DTHD1: variants seen among roughly 807,000 people sequenced by gnomAD.
The protein encoded by DTHD1 is death domain containing 1.
In DTHD1, 59 loss-of-function variants were observed where a neutral mutation model predicts 74.8. The observed-to-expected ratio is 0.79, with a 90% CI of 0.64 to 0.98. The LOEUF is 0.98. DTHD1 is among the 50% of genes least tolerant of loss of function. The probability of loss-of-function intolerance (pLI) is 0.00; values close to 1 mark genes in which losing one functional copy is unlikely to be tolerated. For synonymous variants in DTHD1, 365 were observed against 371.1 expected (o/e 0.98, Z 0.19); for missense variants, 1,051 against 1,065.4 (o/e 0.99, Z 0.19).
chr4:36,346,365 C>T lies in DTHD1; in HGVS notation c.*2541C>T, dbSNP rs1006841184. Among the ~76,000 whole-genome samples, 23 of 152,220 alleles carry T rather than the reference C, an allele frequency of 1.5e-4. No individual in the cohort carries two copies. Among genetic ancestry groups the T allele is most frequent in the African/African-American group, 5.5e-4 (23 of 41,540 alleles). On this transcript the variant is annotated 3_prime_UTR_variant, in exon 10 of 10. Transcript: ENST00000639862. Reference sequence around the variant, plus strand: ...TTTCTCTCTCTCACACATACACTCACATACATTCACTCACAGCCACATATA... The same window carrying T: ...TTTCTCTCTCTCACACATACACTCATATACATTCACTCACAGCCACATATA...
chr4:36,316,245 AC>A lies in DTHD1; in HGVS notation c.2100del (p.Asn700LysfsTer53), dbSNP rs1560805968. The A allele has an allele frequency of 5.2e-6, 8 of 1,549,284 alleles. No homozygotes were observed. Among genetic ancestry groups the A allele is most frequent in the Non-Finnish European group, 7.0e-6 (8 of 1,146,444 alleles). The stretch of plus-strand genomic sequence containing the variant: ...AATACATTTTACTTCTATTTAGGCA[AC>A]GGGAAGGATTATGGAAAAGACTACA... ...RFTGNIFASS[N>X]GKDYGKDYTL... On this transcript the variant is annotated frameshift_variant, in exon 8 of 10. Coordinates refer to ENST00000639862, the MANE Select transcript of DTHD1 (RefSeq NM_001170700.3). LOFTEE classifies it high-confidence loss of function.
rs922253182 is a variant in DTHD1 at position 36,284,466 on chromosome 4, A to G, written c.762A>G (p.Ser254=). Residue 254 remains serine, a synonymous_variant, in exon 2 of 10, where the codon TCA becomes TCG. Coordinates refer to ENST00000639862, the MANE Select transcript of DTHD1 (RefSeq NM_001170700.3). ...CAGAGACAGAAATTCAAGAGACTTCAGAAAGCCCAAGAGAAGAGATGACCA... is the reference window on the plus strand; with the variant it reads ...CAGAGACAGAAATTCAAGAGACTTCGGAAAGCCCAAGAGAAGAGATGACCA... ...QTTETEIQET[S]ESPREEMTTS... 1 of 1,537,046 alleles carries G rather than the reference A, an allele frequency of 6.5e-7. No homozygotes were observed. The highest frequency in any genetic ancestry group is 8.7e-7 in the Non-Finnish European group (1 of 1,146,826).
At chr4:36,286,130 A>G (rs905528342) in intron 2 of DTHD1, among the ~76,000 whole-genome samples, 1 of 152,230 alleles carries the variant, frequency 6.6e-6, no homozygotes, top group Admixed American at 6.5e-5. Flanking sequence ...TCTATGGTTG[A>G]GGATATTCAG....
chr4:36,343,701 T>G lies in DTHD1; in HGVS notation c.2598T>G (p.Leu866=). ...KKSLPTFTDK[L]RLLARHLRKI... is the part of the protein sequence containing the mutation. ...CGCTTCCAACTTTCACCGACAAACTTCGCCTCCTGGCTCGACATCTCCGCA... is the reference window on the plus strand; with the variant it reads ...CGCTTCCAACTTTCACCGACAAACTGCGCCTCCTGGCTCGACATCTCCGCA... The change falls in exon 10 of 10, where the codon CTT becomes CTG. Residue 866 remains leucine (L), a synonymous_variant. Coordinates refer to ENST00000639862, the MANE Select transcript of DTHD1 (RefSeq NM_001170700.3). 6.4e-7 allele frequency: 1 copy of G among 1,551,670 alleles called. No homozygotes were observed.
chr4:36,314,602 A>T (rs1757596750), intron 7 of DTHD1, among the ~76,000 whole-genome samples: 2 of 151,136 alleles, frequency 1.3e-5, no homozygotes, highest in South Asian at 4.2e-4. Flanking sequence ...GGACAGCTTG[A>T]GCTTGGGAGG....
chr4:36,327,496 C>T (rs1643048431), intron 8 of DTHD1, among the ~76,000 whole-genome samples: 5 of 152,270 alleles, frequency 3.3e-5, no homozygotes, highest in South Asian at 2.1e-4. Flanking sequence ...GCGTCTTCCA[C>T]GTAGCTGCAT....
Position 36,294,959 on chromosome 4 carries a change from AAAC to A in DTHD1, c.1567_1569del (p.Asn523del). 1 of 1,551,610 alleles carries A rather than the reference AAAC, an allele frequency of 6.4e-7. No homozygotes were observed. Among genetic ancestry groups the A allele is most frequent in the Non-Finnish European group, 8.7e-7 (1 of 1,146,628 alleles). On this transcript the variant is annotated inframe_deletion, in exon 5 of 10. Coordinates refer to ENST00000639862, the MANE Select transcript of DTHD1 (RefSeq NM_001170700.3). The stretch of plus-strand genomic sequence containing the variant: ...TACCTTGTTCTCCATACCTTGATAA[AAAC>A]AACCTTGGTTCTGAGATAGATCATA...
chr4:36,329,143 G>A (rs1307293696), intron 8 of DTHD1, among the ~76,000 whole-genome samples: 1 of 152,290 alleles, frequency 6.6e-6, no homozygotes, highest in South Asian at 2.1e-4. Flanking sequence ...TTACCACTAT[G>A]TCATACCGCC....
chr4:36,342,385 T>C (rs767931132), intron 9 of DTHD1, among the ~76,000 whole-genome samples: 8 of 152,096 alleles, frequency 5.3e-5, no homozygotes, highest in Non-Finnish European at 1.2e-4. Flanking sequence ...GAATGCTTGC[T>C]TAACACCAGA....
intron 7 of DTHD1, 53 bp downstream of exon 7, chr4:36,308,546 C>T (rs1281791297): frequency 1.4e-6 from 2 of 1,415,886 alleles, no homozygotes; most frequent in Admixed American, 4.9e-5. Flanking sequence ...GCCACAAGCT[C>T]TTCAGAAGAG....
In DTHD1 at chr4:36,344,383, G is replaced by A. The variant is rs1208852214; in HGVS notation, c.*559G>A. On this transcript the variant is annotated 3_prime_UTR_variant, in exon 10 of 10. Coordinates refer to ENST00000639862, the MANE Select transcript of DTHD1 (RefSeq NM_001170700.3). ...ATAATATATCAATCAATACATGTAA[G>A]GTGTACATTGGCTCAATCTGGAAAG... 2.6e-5 allele frequency: 4 copies of A among 152,724 alleles called. No homozygotes were observed. Among genetic ancestry groups the A allele is most frequent in the Non-Finnish European group, 4.4e-5 (3 of 68,464 alleles). 9.5% of individuals were successfully genotyped at this position (152,724 alleles called of 1,614,324 possible).
rs754727243 is a variant in DTHD1 at position 36,343,785 on chromosome 4, C to T, written c.2682C>T (p.Phe894=). The part of the protein sequence containing the change: ...ELKFKWENKV[F]TEPQQCFDVA... Reference sequence around the variant, plus strand: ...AATTCAAGTGGGAAAATAAAGTGTTCACTGAACCACAGCAGTGTTTTGATG... The same window carrying T: ...AATTCAAGTGGGAAAATAAAGTGTTTACTGAACCACAGCAGTGTTTTGATG... Residue 894 remains phenylalanine (F), a synonymous_variant, in exon 10 of 10, where the codon TTC becomes TTT. Coordinates refer to ENST00000639862, the MANE Select transcript of DTHD1 (RefSeq NM_001170700.3). The T allele has an allele frequency of 3.2e-6, 5 of 1,550,956 alleles. No homozygotes were observed. Among genetic ancestry groups the T allele is most frequent in the Admixed American group, 3.9e-5 (2 of 50,966 alleles).
intron 5 of DTHD1, among the ~76,000 whole-genome samples, chr4:36,297,910 A>T (rs1027013894): frequency 6.8e-5 from 10 of 147,790 alleles, no homozygotes; most frequent in African/African-American, 2.5e-4. Flanking sequence ...TTGAGTTCAT[A>T]TAATTGTGTG....
intron 8 of DTHD1, among the ~76,000 whole-genome samples, chr4:36,335,357 G>T (rs956079280): frequency 1.3e-5 from 2 of 152,040 alleles, no homozygotes; most frequent in African/African-American, 4.8e-5. Flanking sequence ...CCAAGTAGCT[G>T]AGACCACAGG....
At chr4:36,295,788 A>G (rs1057494071) in intron 5 of DTHD1, among the ~76,000 whole-genome samples, 1 of 152,110 alleles carries the variant, frequency 6.6e-6, no homozygotes, top group Non-Finnish European at 1.5e-5. Flanking sequence ...GAAAGGACAA[A>G]AGGATGTGGC....
In DTHD1 at chr4:36,308,386, A is replaced by T. The variant is rs1248140317; in HGVS notation, c.1988A>T (p.Asp663Val). ...PSKDLSQVLKDLHLEGFGGPP... is the reference protein window; with the variant it reads ...PSKDLSQVLKVLHLEGFGGPP... The stretch of plus-strand genomic sequence containing the variant: ...AAAGATTTAAGCCAGGTGCTTAAGG[A>T]CCTGCACTTGGAAGGGTTTGGAGGA... The change falls in exon 7 of 10, where the codon GAC becomes GTC. Residue 663 changes from aspartate to valine, a missense_variant. By Grantham distance (152) the Asp-to-Val change is radical (BLOSUM62 -3). Transcript: ENST00000639862. The T allele has an allele frequency of 6.4e-7, 1 of 1,551,692 alleles. No individual in the cohort carries two copies. The highest frequency in any genetic ancestry group is 8.7e-7 in the Non-Finnish European group (1 of 1,147,020).
intron 9 of DTHD1, 82 bp from the exon 10 acceptor site, chr4:36,343,420 C>A (rs1759428902): frequency 7.6e-7 from 1 of 1,316,990 alleles, no homozygotes; most frequent in Non-Finnish European, 1.0e-6. Context: ...GGGAGACTTC[C>A]TATAAACAGG....
intron 7 of DTHD1, chr4:36,311,889 A>C (rs957009682): frequency 2.6e-5 from 4 of 152,232 alleles, no homozygotes; most frequent in Admixed American, 2.6e-4. Flanking sequence ...AAGTATTTAA[A>C]ACTTTAATTA....
chr4:36,330,747 T>C (rs76864892), intron 8 of DTHD1, among the ~76,000 whole-genome samples: 191 of 152,282 alleles, frequency 1.3e-3, no homozygotes, highest in African/African-American at 4.4e-3. Context: ...TGCAATGATA[T>C]AGTTACAAGT....
Sources: allele counts gnomAD v4.1 joint callset (sites outside exome capture counted in the v4.1 genomes callset), GRCh38; gene constraint gnomAD v4.1.1; transcripts MANE v1.5; gene names NCBI Gene and HGNC (gene_info 2026-07-23, HGNC 2026-07-21).